The following HPGD variants were observed in gnomAD, a reference collection of about 807,000 sequenced individuals.
The protein encoded by HPGD is 15-hydroxyprostaglandin dehydrogenase [NAD(+)].
In HPGD, 29 loss-of-function variants were observed where a neutral mutation model predicts 30.0. The observed-to-expected ratio is 0.97, with a 90% CI of 0.72 to 1.32. HPGD has a LOEUF of 1.32. Ranked by LOEUF, HPGD falls within the 40% of genes most tolerant of loss-of-function variation. The pLI is 0.00. For synonymous variants in HPGD, 99 were observed against 112.4 expected, an observed-to-expected ratio of 0.88 and a Z score of 0.75; for missense variants, 340 against 322.1, an observed-to-expected ratio of 1.06 and a Z score of -0.43.
intron 3 of HPGD, among the ~76,000 whole-genome samples, chr4:174,509,529 C>T (rs1227045570): frequency 3.3e-5 from 5 of 152,164 alleles, no homozygotes; most frequent in African/African-American, 1.2e-4. Flanking sequence ...TTTTTTGTTG[C>T]TCTTAAGAAA....
chr4:174,522,331 A>C lies in HPGD; in HGVS notation c.93+28T>G, dbSNP rs771019458. On this transcript the variant is annotated intron_variant, in intron 1 of 6. Transcript: ENST00000296522. ...GAGTCTCGGAGTGTGTGGGCAGAGA[A>C]ATTTCCGCGGCTGGGCGCCGGGCTT... The C allele has an allele frequency of 4.5e-6, 7 of 1,545,740 alleles. No homozygotes were observed. In the African/African-American group the frequency reaches 6.8e-5, roughly 15 times the overall value.
At chr4:174,519,263 G>C (rs1342415285) in intron 2 of HPGD, among the ~76,000 whole-genome samples, 1 of 150,874 alleles carries the variant, frequency 6.6e-6, no homozygotes, top group Non-Finnish European at 1.5e-5. Context: ...CCCCAGGCTG[G>C]AGTGCAGTGG....
Position 174,491,710 on chromosome 4 carries a change from ATTTGT to A in HPGD, c.*241_*245del, listed in dbSNP as rs1734352127. 5.6e-5 allele frequency: 25 copies of A among 447,664 alleles called. No individual in the cohort carries two copies. The South Asian group carries it at 6.9e-4, about 12-fold the overall frequency. The allele number at this position is 447,664 out of a possible 1,614,324, so 27.7% of individuals were successfully genotyped here. A position where few individuals can be genotyped will look rare whatever the true frequency, so the allele number is the denominator to read the frequency against. On this transcript the variant is annotated 3_prime_UTR_variant, in exon 7 of 7. Coordinates refer to ENST00000296522, the MANE Select transcript of HPGD (RefSeq NM_000860.6). ...GAATATTGAATATTCCTTGAAAATC[ATTTGT>A]TTTGATCATTTTTTAGACTATCAAG... is the stretch of plus-strand genomic sequence containing the variant.
rs1201385216 is a variant in HPGD at position 174,496,006 on chromosome 4, T to C, written c.422-382A>G. On this transcript the variant is annotated intron_variant, in intron 4 of 6. Transcript: ENST00000296522. The surrounding 1 kb of genome is among the most constrained non-coding windows in gnomAD (Gnocchi z 4.6). ...TTTTAAGTCTGGATTTTAAAAAGTA[T>C]ATATTCTACATTTTTAAAGCTTCCT... Among the ~76,000 whole-genome samples, 1 of 152,204 alleles carries C rather than the reference T, an allele frequency of 6.6e-6. No homozygotes were observed. Among genetic ancestry groups the C allele is most frequent in the Non-Finnish European group, 1.5e-5 (1 of 68,038 alleles).
rs1734367785 is a variant in HPGD at position 174,492,093 on chromosome 4, G to C, written c.664C>G (p.Pro222Ala). ...DMIKYYGILDPPLIANGLITL... is the reference protein window; with the variant it reads ...DMIKYYGILDAPLIANGLITL... ...ATCAATCCATTGGCAATCAATGGTGGGCTAAAAATAAAGAAAACAGTATTT... is the reference window on the plus strand; with the variant it reads ...ATCAATCCATTGGCAATCAATGGTGCGCTAAAAATAAAGAAAACAGTATTT... Residue 222 changes from proline to alanine, a missense_variant and splice_region_variant, in exon 7 of 7, where the codon CCA becomes GCA. Coordinates refer to ENST00000296522, the MANE Select transcript of HPGD (RefSeq NM_000860.6). The surrounding 1 kb of genome is among the most constrained non-coding windows in gnomAD (Gnocchi z 4.9). 6 of 1,610,074 alleles carry C rather than the reference G, an allele frequency of 3.7e-6. No individual in the cohort carries two copies. Among genetic ancestry groups the C allele is most frequent in the Middle Eastern group, 1.7e-4 (1 of 5,928 alleles).
chr4:174,502,623 AG>A (rs1449960268), intron 4 of HPGD, among the ~76,000 whole-genome samples: 2 of 140,834 alleles, frequency 1.4e-5, no homozygotes, highest in Non-Finnish European at 3.0e-5. Context: ...GCTTGCAGTG[AG>A]CCGAGATTGC....
chr4:174,521,848 C>T (rs1405171999), intron 2 of HPGD, 96 bp downstream of exon 2: 78 of 1,431,434 alleles, frequency 5.4e-5, no homozygotes, highest in Non-Finnish European at 7.1e-5. Flanking sequence ...GAGGAGGCAG[C>T]GGAGGCGGCA....
chr4:174,497,872 G>A (rs763319543), intron 4 of HPGD, among the ~76,000 whole-genome samples: 18 of 150,482 alleles, frequency 1.2e-4, no homozygotes, highest in African/African-American at 1.7e-4. Context: ...CACCATGGCC[G>A]GCCTCACTTT....
intron 3 of HPGD, among the ~76,000 whole-genome samples, chr4:174,510,162 G>GA (rs1216049112): frequency 6.6e-6 from 1 of 151,982 alleles, no homozygotes; most frequent in Non-Finnish European, 1.5e-5. Flanking sequence ...ATTTCCTTTT[G>GA]AAGTTTTCTT....
Position 174,492,079 on chromosome 4 carries a change from G to A in HPGD, c.678C>T (p.Ala226=). The change falls in exon 7 of 7, where the codon GCC becomes GCT. Residue 226 remains alanine (A), a synonymous_variant. Transcript: ENST00000296522. The surrounding 1 kb of genome is among the most constrained non-coding windows in gnomAD (Gnocchi z 4.9). ...YYGILDPPLI[A]NGLITLIEDD... Reference sequence around the variant, plus strand: ...CTTCAATGAGTGTTATCAATCCATTGGCAATCAATGGTGGGCTAAAAATAA... The same window carrying A: ...CTTCAATGAGTGTTATCAATCCATTAGCAATCAATGGTGGGCTAAAAATAA... 6.2e-7 allele frequency: 1 copy of A among 1,611,194 alleles called. No individual in the cohort carries two copies. Among genetic ancestry groups the A allele is most frequent in the South Asian group, 1.1e-5 (1 of 91,010 alleles).
Position 174,495,547 on chromosome 4 carries a change from C to T in HPGD, c.498+1G>A. On this transcript the variant is annotated splice_donor_variant, in intron 5 of 6. Coordinates refer to ENST00000296522, the MANE Select transcript of HPGD (RefSeq NM_000860.6). LOFTEE classifies it high-confidence loss of function. ...AGATATGACGGTTGTTGTAGCCTCA[C>T]CGCTGCTGAGCGTGTGAATCCAACT... 1.2e-6 allele frequency: 2 copies of T among 1,609,498 alleles called. No homozygotes were observed. Among genetic ancestry groups the T allele is most frequent in the Non-Finnish European group, 1.7e-6 (2 of 1,175,886 alleles).
intron 3 of HPGD, among the ~76,000 whole-genome samples, chr4:174,515,267 A>G (rs1735711748): frequency 6.6e-6 from 1 of 152,192 alleles, no homozygotes; most frequent in East Asian, 1.9e-4. Flanking sequence ...TTCAAACTAT[A>G]CAAGGCTACA....
At position 174,492,195 on chromosome 4, in the gene HPGD, T is replaced by A. The variant is rs985997750; in HGVS notation, c.663-101A>T. 9.2e-7 allele frequency: 1 copy of A among 1,085,878 alleles called. No individual in the cohort carries two copies. Among genetic ancestry groups the A allele is most frequent in the Non-Finnish European group, 1.4e-6 (1 of 715,300 alleles). The allele number at this position is 1,085,878 out of a possible 1,614,324, so 67.3% of individuals were successfully genotyped here. A position where few individuals can be genotyped will look rare whatever the true frequency, so the allele number is the denominator to read the frequency against. On this transcript the variant is annotated intron_variant, in intron 6 of 6. Coordinates refer to ENST00000296522, the MANE Select transcript of HPGD (RefSeq NM_000860.6). The surrounding 1 kb of genome is among the most constrained non-coding windows in gnomAD (Gnocchi z 4.9). ...AGAATCTATTAAGTTGAACATGTTA[T>A]AGGGAAATGTGTGTCATTAAACTAT... is the stretch of plus-strand genomic sequence containing the variant.
intron 3 of HPGD, among the ~76,000 whole-genome samples, chr4:174,509,736 A>G (rs930799529): frequency 3.3e-5 from 5 of 152,156 alleles, no homozygotes; most frequent in African/African-American, 9.7e-5. Flanking sequence ...GAAATCACAT[A>G]AATGTTTTAT....
In HPGD at chr4:174,497,568, C is replaced by CTTTTTTTTTTT. The variant is rs778825547; in HGVS notation, c.422-1955_422-1945dup. On this transcript the variant is annotated intron_variant, in intron 4 of 6. Transcript: ENST00000296522. ...CACTTTCTTTTCTTTCTTTTTCTTT[C>CTTTTTTTTTTT]TTTTTTTTTTTTTTTTTTTTTTTTT... Among the ~76,000 whole-genome samples, 78 of 51,076 alleles carry CTTTTTTTTTTT rather than the reference C, an allele frequency of 1.5e-3. 7 individuals are homozygous for CTTTTTTTTTTT. The highest frequency in any genetic ancestry group is 2.5e-3 in the South Asian group (3 of 1,188). The allele number at this position is 51,076 out of a possible 152,430, so 33.5% of individuals were successfully genotyped here.
chr4:174,518,239 G>A (rs1481748815), intron 2 of HPGD, among the ~76,000 whole-genome samples, 162 bp from the exon 3 acceptor site: 1 of 152,140 alleles, frequency 6.6e-6, no homozygotes, highest in African/African-American at 2.4e-5. Flanking sequence ...TCAATGTGTG[G>A]TTTGTGGACT....
At chr4:174,495,292 C>A in intron 5 of HPGD, 1 of 488,304 alleles carries the variant, frequency 2.0e-6, no homozygotes, top group Non-Finnish European at 3.7e-6. Flanking sequence ...GAAATAAGTA[C>A]TATCTCCCCA....
At position 174,497,568 on chromosome 4, in the gene HPGD, C is replaced by CTTTTTT. The variant is rs778825547; in HGVS notation, c.422-1950_422-1945dup. ...CACTTTCTTTTCTTTCTTTTTCTTT[C>CTTTTTT]TTTTTTTTTTTTTTTTTTTTTTTTT... is the stretch of plus-strand genomic sequence containing the variant. On this transcript the variant is annotated intron_variant, in intron 4 of 6. Transcript: ENST00000296522. 3.3e-3 allele frequency among the ~76,000 whole-genome samples: 170 copies of CTTTTTT among 51,062 alleles called. 9 individuals are homozygous for CTTTTTT. Among genetic ancestry groups the CTTTTTT allele is most frequent in the Non-Finnish European group, 5.6e-3 (137 of 24,516 alleles). The allele number at this position is 51,062 out of a possible 152,430, so 33.5% of individuals were successfully genotyped here. A position where few individuals can be genotyped will look rare whatever the true frequency, so the allele number is the denominator to read the frequency against.
At chr4:174,520,733 A>T (rs1736059605) in intron 2 of HPGD, among the ~76,000 whole-genome samples, 1 of 152,248 alleles carries the variant, frequency 6.6e-6, no homozygotes, top group Admixed American at 6.5e-5. Context: ...TCCTTATGCC[A>T]TCAGCATGAA....
Sources: allele counts gnomAD v4.1 joint callset (sites outside exome capture counted in the v4.1 genomes callset), GRCh38; gene constraint gnomAD v4.1.1; non-coding constraint Gnocchi (gnomAD v3.1); transcripts MANE v1.5; gene names NCBI Gene and HGNC (gene_info 2026-07-23, HGNC 2026-07-21).